KDELR1: variants seen among roughly 807,000 people sequenced by gnomAD.
KDELR1 encodes the protein ER lumen protein-retaining receptor 1.
A neutral mutation model predicts 25.5 loss-of-function variants in KDELR1; 16 were observed. The observed-to-expected ratio is 0.63, with a 90% CI of 0.43 to 0.95. The LOEUF (loss-of-function observed/expected upper bound fraction) is 0.95, where lower values mean the gene tolerates loss of function less well. Among genes scored for constraint, KDELR1 ranks in the 40% least tolerant of loss-of-function variants. The pLI is 0.00. For synonymous variants in KDELR1, 121 were observed against 115.0 expected (o/e 1.05, Z -0.33); for missense variants, 159 against 265.2 (o/e 0.60, Z 2.78).
At chr19:48,396,289 C>A (rs141668180), upstream of KDELR1, among the ~76,000 whole-genome samples, 52 of 152,016 alleles carry the variant, frequency 3.4e-4, no homozygotes, top group African/African-American at 1.2e-3. Flanking sequence ...CTCCTCAGGC[C>A]CTGGAGTGGG....
chr19:48,387,668 G>GA (rs1970507211), intron 3 of KDELR1: 1 of 143,052 alleles, frequency 7.0e-6, no homozygotes, highest in South Asian at 2.2e-4. Context: ...GCGACAGAAT[G>GA]AGAGTCCATC....
chr19:48,395,280 C>A (rs1352841052), upstream of KDELR1, among the ~76,000 whole-genome samples: 2 of 151,288 alleles, frequency 1.3e-5, no homozygotes. Context: ...CTGCATCAGT[C>A]CCCCCATCGC....
In KDELR1 at chr19:48,389,691, G is replaced by A. The variant is rs750638106; in HGVS notation, c.213C>T (p.Ser71=). The change falls in exon 3 of 5, where the codon TCC becomes TCT. Residue 71 remains serine, a synonymous_variant. Transcript: ENST00000330720. ...TCMKVVYIAC[S]FTTVWLIYSK... ...TATAAATCAACCAGACCGTGGTGAA[G>A]GAGCAGGCTATGTAGACCACCTGAG... 6.2e-7 allele frequency: 1 copy of A among 1,614,100 alleles called. No homozygotes were observed. Among genetic ancestry groups the A allele is most frequent in the Non-Finnish European group, 8.5e-7 (1 of 1,179,958 alleles).
Position 48,384,422 on chromosome 19 carries a change from C to T in KDELR1, c.412G>A (p.Val138Met). 6.2e-7 allele frequency: 1 copy of T among 1,613,894 alleles called. No homozygotes were observed. Among genetic ancestry groups the T allele is most frequent in the South Asian group, 1.1e-5 (1 of 91,014 alleles). The stretch of plus-strand genomic sequence containing the variant: ...GTCTCCGCCTCGCCGGTCTTGCTCA[C>T]CATGAACAGCTGCGGCAAGATGGCC... ...SVAILPQLFM[V>M]SKTGEAETIT... is the part of the protein sequence containing the mutation. Residue 138 changes from valine to methionine, a missense_variant, in exon 4 of 5, where the codon GTG becomes ATG. Physicochemically the swap from Val to Met is conservative, Grantham distance 21 (BLOSUM62 1). Coordinates refer to ENST00000330720, the MANE Select transcript of KDELR1 (RefSeq NM_006801.3). This position sits in a 1 kb window ranked among gnomAD's most constrained non-coding sequence, Gnocchi z 4.6.
upstream of KDELR1, among the ~76,000 whole-genome samples, chr19:48,392,215 G>A (rs1230569067): frequency 8.7e-5 from 7 of 80,644 alleles, no homozygotes; most frequent in Admixed American, 1.2e-3. Context: ...CAGGCCCCCA[G>A]ACCCTCCTCC....
rs1365998513 is a variant in KDELR1, at chr19:48,383,151, C to T, written c.*142G>A. On this transcript the variant is annotated 3_prime_UTR_variant, in exon 5 of 5. Transcript: ENST00000330720. ...AAGACCTGGATCCTCCACTGTCCCC[C>T]TGAAACCCGGCAGGAGGCGGGATGG... The T allele has an allele frequency of 3.4e-6, 3 of 878,756 alleles. No individual in the cohort carries two copies. The African/African-American group carries it at 5.0e-5, about 15-fold the overall frequency. The allele number at this position is 878,756 out of a possible 1,614,324, so 54.4% of individuals were successfully genotyped here.
At chr19:48,392,864 C>T (rs920263680), upstream of KDELR1, among the ~76,000 whole-genome samples, 55 of 152,248 alleles carry the variant, frequency 3.6e-4, no homozygotes, top group Non-Finnish European at 8.8e-5. Context: ...ATAAAAGTGC[C>T]GGGCCCAGCC....
intron 3 of KDELR1, among the ~76,000 whole-genome samples, chr19:48,385,318 C>T (rs974598457): frequency 6.6e-6 from 1 of 152,222 alleles, no homozygotes; most frequent in South Asian, 2.1e-4. Flanking sequence ...CCGAGAGGGA[C>T]CCTCCCTGGC....
rs980602348 is a variant in KDELR1, at chr19:48,391,175, C to T, written c.91+93G>A. 3.7e-6 allele frequency: 4 copies of T among 1,074,742 alleles called. No homozygotes were observed. The African/African-American group carries it at 4.7e-5, about 13-fold the overall frequency. The allele number at this position is 1,074,742 out of a possible 1,614,324, so 66.6% of individuals were successfully genotyped here. A position where few individuals can be genotyped will look rare whatever the true frequency, so the allele number is the denominator to read the frequency against. On this transcript the variant is annotated intron_variant, in intron 1 of 4. Transcript: ENST00000330720. ...CAAGCAGTGGGGGTGGAACCTGTGC[C>T]CCTAGTGCCCCCAAACCCTTCCTGA...
upstream of KDELR1, among the ~76,000 whole-genome samples, chr19:48,395,938 G>T (rs1213657950): frequency 6.6e-6 from 1 of 151,864 alleles, no homozygotes; most frequent in African/African-American, 2.4e-5. Flanking sequence ...TGGCCTCCTG[G>T]GTCCTGGGAA....
upstream of KDELR1, among the ~76,000 whole-genome samples, chr19:48,393,771 T>G (rs1350101031): frequency 6.6e-6 from 1 of 151,990 alleles, no homozygotes; most frequent in African/African-American, 2.4e-5. The surrounding 1 kb of genome is among the most constrained non-coding windows in gnomAD (Gnocchi z 5.6). Flanking sequence ...GCCCGCAGCC[T>G]CCCGCAGCCT....
chr19:48,388,255 T>C lies in KDELR1; in HGVS notation c.351+1298A>G, dbSNP rs527429466. On this transcript the variant is annotated intron_variant, in intron 3 of 4. Transcript: ENST00000330720. ...AAATCCTTACACTCTGATTCTAGAG[T>C]CTTTATGTGTTTTGACACCAGGCAG... Among the ~76,000 whole-genome samples, 255 of 152,206 alleles carry C rather than the reference T, an allele frequency of 1.7e-3. 2 individuals are homozygous for C. The highest frequency in any genetic ancestry group is 5.9e-3 in the African/African-American group (245 of 41,522).
Position 48,386,473 on chromosome 19 carries a change from C to T in KDELR1, c.352-1991G>A, listed in dbSNP as rs1289319115. 3.3e-4 allele frequency among the ~76,000 whole-genome samples: 41 copies of T among 122,460 alleles called. 1 individual carries two copies. The highest frequency in any genetic ancestry group is 1.3e-3 in the African/African-American group (39 of 29,256). The allele number at this position is 122,460 out of a possible 152,430, so 80.3% of individuals were successfully genotyped here. The stretch of plus-strand genomic sequence containing the variant: ...TTTTTTTTTTTTTTTTTTGAGATGG[C>T]GTCTTGCTCTGTCACCCAGGCTGGA... On this transcript the variant is annotated intron_variant, in intron 3 of 4. Transcript: ENST00000330720.
At chr19:48,396,200 A>C (rs2147431408), upstream of KDELR1, among the ~76,000 whole-genome samples, 1 of 151,918 alleles carries the variant, frequency 6.6e-6, no homozygotes, top group East Asian at 1.9e-4. Flanking sequence ...GGGGTTGTCC[A>C]GAGGCTGGAC....
chr19:48,386,137 G>A (rs1420947292), intron 3 of KDELR1, among the ~76,000 whole-genome samples: 24 of 147,672 alleles, frequency 1.6e-4, no homozygotes, highest in African/African-American at 5.0e-4. Flanking sequence ...TCCTGAGGCC[G>A]AGTTTCACTC....
At chr19:48,383,445 T>C in intron 4 of KDELR1, 118 bp from the exon 5 acceptor site, 2 of 851,696 alleles carry the variant, frequency 2.3e-6, no homozygotes, top group Non-Finnish European at 3.9e-6. Context: ...GGGAGGGAGG[T>C]CCCCCAGGAC....
chr19:48,388,891 G>GGAAGGAAGGAAGGAAGAAAGAAAA (rs1383074163), intron 3 of KDELR1, among the ~76,000 whole-genome samples: 2 of 138,516 alleles, frequency 1.4e-5, no homozygotes, highest in Non-Finnish European at 3.1e-5. Context: ...AAGAAAGAAA[G>GGAAGGAAGGAAGGAAGAAAGAAAA]GAAGGAAGAA....
upstream of KDELR1, among the ~76,000 whole-genome samples, chr19:48,395,403 T>C (rs956263462): frequency 6.6e-6 from 1 of 151,020 alleles, no homozygotes; most frequent in African/African-American, 2.4e-5. Flanking sequence ...CCAGCACCCC[T>C]CGCCCCAAGC....
At chr19:48,393,057 A>G (rs921078084), upstream of KDELR1, among the ~76,000 whole-genome samples, 4 of 152,196 alleles carry the variant, frequency 2.6e-5, no homozygotes, top group African/African-American at 7.2e-5. The surrounding 1 kb of genome is among the most constrained non-coding windows in gnomAD (Gnocchi z 5.6). Flanking sequence ...TGATTTCTTC[A>G]GAGGGCTGGA....
Sources: gnomAD v4.1 joint callset for allele counts (sites outside exome capture counted in the v4.1 genomes callset) on GRCh38, gnomAD v4.1.1 for gene constraint, Gnocchi (gnomAD v3.1) non-coding constraint, MANE v1.5 for transcripts, NCBI Gene and HGNC (gene_info 2026-07-23, HGNC 2026-07-21) for gene names.